The following BLTP1 variants were observed in gnomAD, a reference collection of about 807,000 sequenced individuals.
The protein encoded by BLTP1 is bridge-like lipid transfer protein family member 1.
At chr4:122,285,172 A>G in the BLTP1 span, among the ~76,000 whole-genome samples, 1 of 152,186 alleles carries the variant, frequency 6.6e-6, no homozygotes. Flanking sequence ...CCAGATAGGC[A>G]GTTTAGGATC....
chr4:122,152,348 C>A, the BLTP1 span: 75 of 985,620 alleles, frequency 7.6e-5, no homozygotes, highest in Admixed American at 1.2e-4. Flanking sequence ...CGCCCGGCCT[C>A]GGTTGGGACC....
the BLTP1 span, chr4:122,328,635 C>T: frequency 5.0e-5 from 49 of 980,458 alleles, no homozygotes; most frequent in Non-Finnish European, 3.8e-5. Context: ...GATGTGGTTA[C>T]GAGTAAATTA....
At chr4:122,175,825 TA>T in the BLTP1 span, 1 of 1,506,570 alleles carries the variant, frequency 6.6e-7, no homozygotes, top group Non-Finnish European at 9.2e-7. Context: ...ACTTAAATTC[TA>T]ATTTTGTAAT....
the BLTP1 span, chr4:122,207,188 T>C: frequency 6.2e-7 from 1 of 1,612,180 alleles, no homozygotes; most frequent in Non-Finnish European, 8.5e-7. Flanking sequence ...TTTAAAATCA[T>C]GTTTCATCAG....
the BLTP1 span, chr4:122,305,054 C>A: frequency 7.2e-7 from 1 of 1,385,834 alleles, no homozygotes; most frequent in Non-Finnish European, 9.6e-7. Flanking sequence ...ACTACTGTAA[C>A]TTATGTATTA....
chr4:122,321,246 G>A, the BLTP1 span, among the ~76,000 whole-genome samples: 6 of 151,980 alleles, frequency 3.9e-5, no homozygotes, highest in African/African-American at 1.2e-4. Context: ...ATCTGTACAC[G>A]TATAATTAAT....
the BLTP1 span, chr4:122,339,190 C>T: frequency 1.2e-6 from 2 of 1,606,648 alleles, no homozygotes; most frequent in South Asian, 1.1e-5. Flanking sequence ...AAACCTTTTG[C>T]TGTCTGTTAT....
the BLTP1 span, chr4:122,214,499 A>G: frequency 1.1e-6 from 1 of 941,896 alleles, no homozygotes; most frequent in Non-Finnish European, 1.3e-6. Context: ...GTATTTGTAA[A>G]TATTTGTGTA....
chr4:122,320,820 AT>A, the BLTP1 span, among the ~76,000 whole-genome samples: 1 of 152,082 alleles, frequency 6.6e-6, no homozygotes, highest in Non-Finnish European at 1.5e-5. Context: ...CTTTGAATTA[AT>A]ATCTACTGTA....
At chr4:122,272,518 C>T in the BLTP1 span, 2 of 849,892 alleles carry the variant, frequency 2.4e-6, no homozygotes, top group Non-Finnish European at 3.5e-6. Flanking sequence ...TTTTTTTTTT[C>T]CCAGAAAAAC....
the BLTP1 span, chr4:122,261,789 G>T: frequency 1.0e-6 from 1 of 977,952 alleles, no homozygotes; most frequent in East Asian, 1.1e-4. Context: ...GCTAATACAT[G>T]AAACATGCTT....
At chr4:122,330,677 C>T in the BLTP1 span, among the ~76,000 whole-genome samples, 1 of 151,818 alleles carries the variant, frequency 6.6e-6, no homozygotes, top group African/African-American at 2.4e-5. Flanking sequence ...CCTTTTCACC[C>T]TATTGTTTCC....
the BLTP1 span, chr4:122,343,739 C>T: frequency 3.1e-6 from 3 of 970,628 alleles, no homozygotes; most frequent in Non-Finnish European, 4.5e-6. Context: ...TTTGATAATA[C>T]CTATCTCATA....
At chr4:122,154,414 T>C in the BLTP1 span, 2 of 984,596 alleles carry the variant, frequency 2.0e-6, no homozygotes, top group East Asian at 2.3e-4. Flanking sequence ...GTCATTTTAC[T>C]TGACTTTTGA....
the BLTP1 span, chr4:122,272,098 G>C: frequency 6.4e-7 from 1 of 1,554,778 alleles, no homozygotes; most frequent in Non-Finnish European, 8.7e-7. Context: ...ACAATGTTTG[G>C]AATGTCCTTC....
chr4:122,328,595 TTTAA>T, the BLTP1 span: 1 of 946,432 alleles, frequency 1.1e-6, no homozygotes, highest in Non-Finnish European at 1.3e-6. Context: ...GTCACCTAAG[TTTAA>T]TTATCTAAAA....
the BLTP1 span, chr4:122,244,526 AATAATATTACAATAAT>A: frequency 9.6e-6 from 3 of 311,938 alleles, no homozygotes; most frequent in African/African-American, 2.3e-5. Context: ...GCAATAATAT[AATAATATTACAATAAT>A]ATAATATTAC....
At chr4:122,261,964 T>C in the BLTP1 span, 4 of 985,254 alleles carry the variant, frequency 4.1e-6, no homozygotes, top group African/African-American at 7.0e-5. Flanking sequence ...ACAGCACTGG[T>C]ATCCATTGCG....
At chr4:122,207,163 C>A in the BLTP1 span, 1 of 1,609,078 alleles carries the variant, frequency 6.2e-7, no homozygotes, top group Non-Finnish European at 8.5e-7. Context: ...TTCATTTGTT[C>A]CATATACGTG....
Sources: gnomAD v4.1 joint callset for allele counts (sites outside exome capture counted in the v4.1 genomes callset) on GRCh38, gnomAD v4.1.1 for gene constraint, MANE v1.5 for transcripts, NCBI Gene and HGNC (gene_info 2026-07-23, HGNC 2026-07-21) for gene names.